Variants in RERG observed in about 807,000 individuals in gnomAD.
The protein encoded by RERG is RAS like estrogen regulated growth inhibitor, also known as ras-related and estrogen-regulated growth inhibitor.
RERG carries 25 observed loss-of-function variants against 23.2 expected under a neutral mutation model. The observed-to-expected ratio is 1.08, with a 90% confidence interval of 0.79 to 1.50. The LOEUF is 1.50. Ranked by LOEUF, RERG falls within the 40% of genes most tolerant of loss-of-function variation. RERG has a pLI of 0.00. For synonymous variants in RERG, 81 were observed against 89.1 expected (o/e 0.91, Z 0.51); for missense variants, 253 against 250.1 (o/e 1.01, Z -0.08).
chr12:15,132,058 T>G (rs1354097794), intron 2 of RERG, among the ~76,000 whole-genome samples: 1 of 152,152 alleles, frequency 6.6e-6, no homozygotes, highest in Non-Finnish European at 1.5e-5. Context: ...ATGTTTAGGA[T>G]GCTGGGAAGC....
chr12:15,217,706 T>C, intron 1 of RERG, 103 bp from the exon 2 acceptor site: 1 of 507,256 alleles, frequency 2.0e-6, no homozygotes, highest in Non-Finnish European at 3.5e-6. Context: ...TTCAACATTT[T>C]CTGGTTTGAT....
intron 2 of RERG, among the ~76,000 whole-genome samples, chr12:15,201,947 A>G (rs1233820729): frequency 6.6e-6 from 1 of 151,732 alleles, no homozygotes; most frequent in African/African-American, 2.4e-5. Flanking sequence ...AACGAAGGGA[A>G]AGAGGGCTAA....
At chr12:15,122,677 G>A (rs1863853386) in intron 2 of RERG, among the ~76,000 whole-genome samples, 2 of 152,116 alleles carry the variant, frequency 1.3e-5, no homozygotes, top group Admixed American at 6.6e-5. Flanking sequence ...TTACATACAG[G>A]AAGCAGTAAG....
chr12:15,194,288 G>A (rs1324558372), intron 2 of RERG, among the ~76,000 whole-genome samples: 1 of 151,994 alleles, frequency 6.6e-6, no homozygotes, highest in Non-Finnish European at 1.5e-5. Flanking sequence ...GGGAGCAAAG[G>A]CAAGACATAT....
At chr12:15,157,405 C>T (rs10160846) in intron 2 of RERG, among the ~76,000 whole-genome samples, 18,670 of 152,152 alleles carry the variant, frequency 0.12, 1,509 homozygotes, top group South Asian at 0.24. Context: ...AGCTTGAGAA[C>T]CAGCAAGTAA....
chr12:15,209,843 T>C (rs886259159), intron 2 of RERG, among the ~76,000 whole-genome samples: 1 of 152,170 alleles, frequency 6.6e-6, no homozygotes, highest in Non-Finnish European at 1.5e-5. Flanking sequence ...TTGCATTGAG[T>C]CATAGACTGG....
chr12:15,121,038 G>A (rs1863821323), intron 3 of RERG, 25 bp downstream of exon 3: 20 of 1,561,436 alleles, frequency 1.3e-5, no homozygotes, highest in Non-Finnish European at 1.7e-5. Flanking sequence ...TATTGAAGAG[G>A]AGAAGGAAAC....
intron 2 of RERG, among the ~76,000 whole-genome samples, chr12:15,140,978 T>C (rs1032729410): frequency 9.2e-5 from 14 of 152,278 alleles, no homozygotes; most frequent in Admixed American, 9.2e-4. Flanking sequence ...TAAGTTATTA[T>C]TTCAAATATT....
rs868244068 is a variant in RERG at position 15,127,038 on chromosome 12, G to A, written c.62-5919C>T. Reference sequence around the variant, plus strand: ...CGGCCCAGATAGCATTTCTACCTGCGGTATCTAAAGAAGCATCACCTCCTC... The same window carrying A: ...CGGCCCAGATAGCATTTCTACCTGCAGTATCTAAAGAAGCATCACCTCCTC... On this transcript the variant is annotated intron_variant, in intron 2 of 4. Transcript: ENST00000256953. Among the ~76,000 whole-genome samples, 39 of 152,104 alleles carry A rather than the reference G, an allele frequency of 2.6e-4. 1 individual carries two copies. Among genetic ancestry groups the A allele is most frequent in the African/African-American group, 9.4e-4 (39 of 41,490 alleles).
At chr12:15,120,824 T>C (rs1863818015) in intron 3 of RERG, among the ~76,000 whole-genome samples, 1 of 152,220 alleles carries the variant, frequency 6.6e-6, no homozygotes, top group East Asian at 1.9e-4. Flanking sequence ...ACCCACTTCC[T>C]TTCCTCATGG....
intron 2 of RERG, chr12:15,137,914 GAATGT>G (rs1864171453): frequency 1.1e-5 from 5 of 436,126 alleles, no homozygotes; most frequent in South Asian, 8.3e-5. Context: ...CTTCTCTGAA[GAATGT>G]ATCGTATCAT....
At chr12:15,119,327 G>A (rs1166135435) in intron 3 of RERG, among the ~76,000 whole-genome samples, 1 of 151,980 alleles carries the variant, frequency 6.6e-6, no homozygotes, top group Non-Finnish European at 1.5e-5. Context: ...AAGAGAAAAT[G>A]GTTAAACTAA....
intron 2 of RERG, among the ~76,000 whole-genome samples, chr12:15,132,350 C>A (rs573786698): frequency 1.3e-5 from 2 of 152,188 alleles, no homozygotes; most frequent in Non-Finnish European, 1.5e-5. Context: ...ATTTAAGGTT[C>A]ATCCATGCCA....
intron 2 of RERG, among the ~76,000 whole-genome samples, chr12:15,189,299 C>T (rs909235646): frequency 1.3e-5 from 2 of 152,142 alleles, no homozygotes; most frequent in Non-Finnish European, 2.9e-5. Flanking sequence ...ATCTCTCTGA[C>T]CTCTTTCTTC....
chr12:15,161,225 A>AGAAG lies in RERG; in HGVS notation c.62-40107_62-40106insCTTC, dbSNP rs1565524236. On this transcript the variant is annotated intron_variant, in intron 2 of 4. Transcript: ENST00000256953. Reference sequence around the variant, plus strand: ...AAGAAAGAAAGAAAGAAAGAAAGAAAGAAACAGGGGCATCACTTAGTGTTT... The same window carrying AGAAG: ...AAGAAAGAAAGAAAGAAAGAAAGAAAGAAGGAAACAGGGGCATCACTTAGTGTTT... Among the ~76,000 whole-genome samples, 13 of 125,078 alleles carry AGAAG rather than the reference A, an allele frequency of 1.0e-4. No homozygotes were observed. The Admixed American group carries it at 1.1e-3, about 11-fold the overall frequency. 82.1% of individuals were successfully genotyped at this position (125,078 alleles called of 152,430 possible). A position where few individuals can be genotyped will look rare whatever the true frequency, so the allele number is the denominator to read the frequency against.
At chr12:15,187,271 A>C (rs533681160) in intron 2 of RERG, among the ~76,000 whole-genome samples, 111 of 152,274 alleles carry the variant, frequency 7.3e-4, no homozygotes, top group African/African-American at 2.3e-3. Context: ...CTCTTGTTGG[A>C]AAGCAAAGCT....
At chr12:15,137,426 A>G (rs1197026089) in intron 2 of RERG, among the ~76,000 whole-genome samples, 1 of 151,144 alleles carries the variant, frequency 6.6e-6, no homozygotes, top group Non-Finnish European at 1.5e-5. Context: ...TTTTCTATTC[A>G]TTGCCTTTCT....
At position 15,126,724 on chromosome 12, in the gene RERG, C is replaced by CTTTTTT. The variant is rs71042228; in HGVS notation, c.62-5611_62-5606dup. 1.1e-3 allele frequency among the ~76,000 whole-genome samples: 151 copies of CTTTTTT among 132,444 alleles called. 2 individuals are homozygous for CTTTTTT. The highest frequency in any genetic ancestry group is 3.2e-3 in the African/African-American group (113 of 35,498). The allele number at this position is 132,444 out of a possible 152,430, so 86.9% of individuals were successfully genotyped here. A position where few individuals can be genotyped will look rare whatever the true frequency, so the allele number is the denominator to read the frequency against. ...ATAGCATTTCTTTTTCTTTTTCTTTCTTTTTTTTTTTTTTTTGAGACAGAG... is the reference window on the plus strand; with the variant it reads ...ATAGCATTTCTTTTTCTTTTTCTTTCTTTTTTTTTTTTTTTTTTTTTTGAGACAGAG... On this transcript the variant is annotated intron_variant, in intron 2 of 4. Transcript: ENST00000256953.
At chr12:15,127,014 G>A (rs751660440) in intron 2 of RERG, among the ~76,000 whole-genome samples, 9 of 151,948 alleles carry the variant, frequency 5.9e-5, no homozygotes, top group Non-Finnish European at 1.2e-4. Context: ...CACCGCGCCC[G>A]GCCCAGATAG....
Sources: gnomAD v4.1 joint callset for allele counts (sites outside exome capture counted in the v4.1 genomes callset) on GRCh38, gnomAD v4.1.1 for gene constraint, MANE v1.5 for transcripts, NCBI Gene and HGNC (gene_info 2026-07-23, HGNC 2026-07-21) for gene names.